ZFHX4: variants seen among roughly 807,000 people sequenced by gnomAD.
ZFHX4 encodes zinc finger homeobox protein 4.
In ZFHX4, 56 loss-of-function variants were observed where a neutral mutation model predicts 267.6. The observed-to-expected ratio is 0.21, with a 90% CI of 0.17 to 0.26. The LOEUF is 0.26. Ranked by LOEUF, ZFHX4 falls within the 10% of genes least tolerant of loss-of-function variation. ZFHX4 has a pLI of 1.00. For missense variants in ZFHX4, 4,332 were observed against 4,420.0 expected (o/e 0.98, Z 0.56); for synonymous variants, 1,778 against 1,665.6 (o/e 1.07, Z -1.64).
chr8:76,750,395 T>C (rs1809582944), intron 3 of ZFHX4, among the ~76,000 whole-genome samples: 1 of 152,188 alleles, frequency 6.6e-6, no homozygotes, highest in African/African-American at 2.4e-5. Flanking sequence ...TGCTAAACTG[T>C]GCTCATTTCA....
At chr8:76,711,342 A>G (rs1214151300) in intron 3 of ZFHX4, among the ~76,000 whole-genome samples, 1 of 152,206 alleles carries the variant, frequency 6.6e-6, no homozygotes, top group East Asian at 1.9e-4. Context: ...AAATTGCTCT[A>G]GGAAAATAAA....
rs866644618 is a variant in ZFHX4 at position 76,704,267 on chromosome 8, C to T, written c.179C>T (p.Ala60Val). Residue 60 changes from alanine to valine, a missense_variant, in exon 2 of 11, where the codon GCC becomes GTC. Physicochemically the swap from Ala to Val is moderately conservative, Grantham distance 64. Around this residue, in one of 7 missense-constraint regions of ZFHX4, gnomAD observed 1,195 missense variants for 1,173.6 expected, o/e 1.02. Coordinates refer to ENST00000651372, the MANE Select transcript of ZFHX4 (RefSeq NM_024721.5). Reference protein sequence around the residue: ...NLKTDERKSEALLGFSVENAA... With the variant: ...NLKTDERKSEVLLGFSVENAA... ...AAAACGGATGAGCGCAAAAGTGAAG[C>T]CTTGCTGGGTTTCAGCGTTGAGAAT... 3.7e-6 allele frequency: 6 copies of T among 1,613,988 alleles called. No individual in the cohort carries two copies. The highest frequency in any genetic ancestry group is 5.1e-6 in the Non-Finnish European group (6 of 1,179,888).
chr8:76,754,623 G>A (rs1046000640), intron 3 of ZFHX4, among the ~76,000 whole-genome samples: 5 of 151,922 alleles, frequency 3.3e-5, no homozygotes, highest in African/African-American at 9.7e-5. Flanking sequence ...TTTGATACAC[G>A]TATATGATGT....
At chr8:76,826,957 A>T (rs1210365686) in intron 4 of ZFHX4, among the ~76,000 whole-genome samples, 1 of 152,250 alleles carries the variant, frequency 6.6e-6, no homozygotes, top group Non-Finnish European at 1.5e-5. Context: ...TATTGGGTGG[A>T]AGAGGGATCA....
chr8:76,713,807 G>A (rs1206965624), intron 3 of ZFHX4, among the ~76,000 whole-genome samples: 2 of 152,038 alleles, frequency 1.3e-5, no homozygotes, highest in African/African-American at 4.8e-5. Context: ...TAATGTTTGT[G>A]TGGAGTGGAG....
At position 76,849,531 on chromosome 8, in the gene ZFHX4, G is replaced by A; in HGVS notation, c.3665G>A (p.Cys1222Tyr). Residue 1222 changes from cysteine (C) to tyrosine (Y), a missense_variant, in exon 8 of 11, where the codon TGT becomes TAT. Physicochemically the swap from Cys to Tyr is radical, Grantham distance 194. This residue lies in a region of ZFHX4 where 1,371 missense variants were observed against 1,423.1 expected (regional missense o/e 0.96). Coordinates refer to ENST00000651372, the MANE Select transcript of ZFHX4 (RefSeq NM_024721.5). ...CHEQFYQCPY[C>Y]NYNSRDQSRI... ...TTCCAGTTCTATCAATGTCCTTATT[G>A]TAACTACAATAGTAGGGACCAAAGT... is the stretch of plus-strand genomic sequence containing the variant. The A allele has an allele frequency of 6.2e-7, 1 of 1,613,676 alleles. No individual in the cohort carries two copies. The highest frequency in any genetic ancestry group is 1.7e-4 in the Middle Eastern group (1 of 6,054).
chr8:76,833,582 G>A lies in ZFHX4; in HGVS notation c.3394+176G>A, dbSNP rs554377837. On this transcript the variant is annotated intron_variant, in intron 5 of 10. Coordinates refer to ENST00000651372, the MANE Select transcript of ZFHX4 (RefSeq NM_024721.5). ...ATAAATTCAATAATTGGAAGTATAT[G>A]TAAATTGACTTTACATTTTAGAGCA... 9.0e-6 allele frequency: 5 copies of A among 554,684 alleles called. No individual in the cohort carries two copies. In the African/African-American group the frequency reaches 9.7e-5, roughly 11 times the overall value. The allele number at this position is 554,684 out of a possible 1,614,324, so 34.4% of individuals were successfully genotyped here. A position where few individuals can be genotyped will look rare whatever the true frequency, so the allele number is the denominator to read the frequency against.
intron 10 of ZFHX4, among the ~76,000 whole-genome samples, chr8:76,861,954 T>C (rs1419832197): frequency 6.6e-6 from 1 of 152,130 alleles, no homozygotes; most frequent in East Asian, 1.9e-4. Context: ...GTCCTTGTCA[T>C]GATCATTTGG....
chr8:76,799,863 C>T (rs1364644781), intron 4 of ZFHX4, among the ~76,000 whole-genome samples: 1 of 152,158 alleles, frequency 6.6e-6, no homozygotes. Flanking sequence ...TACATACTGG[C>T]TGTATACCTC....
Position 76,705,101 on chromosome 8 carries a change from C to CA in ZFHX4, c.1020dup (p.Ser341IlefsTer30), listed in dbSNP as rs774274741. 1.2e-6 allele frequency: 2 copies of CA among 1,613,146 alleles called. No individual in the cohort carries two copies. Among genetic ancestry groups the CA allele is most frequent in the Non-Finnish European group, 1.7e-6 (2 of 1,179,664 alleles). ...GAACCTCTTATAAGCTTTCTGGAAC[C>CA]AAAAAAATCCACTTCTGTTTATCCC... On this transcript the variant is annotated frameshift_variant, in exon 2 of 11. Transcript: ENST00000651372. LOFTEE classifies it high-confidence loss of function.
chr8:76,794,468 AG>A (rs1378098487), intron 4 of ZFHX4, among the ~76,000 whole-genome samples: 2 of 152,172 alleles, frequency 1.3e-5, no homozygotes, highest in African/African-American at 4.8e-5. Flanking sequence ...GTTTGACCAC[AG>A]ATTTCTTTTG....
At chr8:76,857,963 T>C (rs1263153282) in intron 10 of ZFHX4, among the ~76,000 whole-genome samples, 1 of 152,000 alleles carries the variant, frequency 6.6e-6, no homozygotes, top group Non-Finnish European at 1.5e-5. Context: ...TTAAGTAAAA[T>C]AGAAGAGTTT....
chr8:76,858,585 C>A (rs1297836296), intron 10 of ZFHX4, among the ~76,000 whole-genome samples: 1 of 152,196 alleles, frequency 6.6e-6, no homozygotes, highest in Non-Finnish European at 1.5e-5. Flanking sequence ...TGAGTTCCTG[C>A]ACTTTCAGTT....
intron 4 of ZFHX4, among the ~76,000 whole-genome samples, chr8:76,806,348 G>T (rs556894717): frequency 3.9e-5 from 6 of 152,192 alleles, no homozygotes; most frequent in African/African-American, 1.4e-4. Flanking sequence ...TGGACTATGG[G>T]TGTAGACTCA....
intron 3 of ZFHX4, among the ~76,000 whole-genome samples, chr8:76,749,464 T>C (rs1277321569): frequency 6.6e-6 from 1 of 152,166 alleles, no homozygotes; most frequent in East Asian, 1.9e-4. Flanking sequence ...TCATTTTTCT[T>C]GATGAGATGT....
chr8:76,829,453 G>A (rs549324621), intron 4 of ZFHX4, among the ~76,000 whole-genome samples: 3 of 152,156 alleles, frequency 2.0e-5, no homozygotes, highest in South Asian at 4.2e-4. Flanking sequence ...AGGCTTAGGG[G>A]TAGGTGTGGC....
chr8:76,715,091 T>G (rs1808529552), intron 3 of ZFHX4, among the ~76,000 whole-genome samples: 2 of 152,278 alleles, frequency 1.3e-5, no homozygotes, highest in South Asian at 4.1e-4. Flanking sequence ...GGTGGGAACT[T>G]GAGGGCAGGA....
At chr8:76,780,019 T>C (rs1194055894) in intron 4 of ZFHX4, among the ~76,000 whole-genome samples, 4 of 151,476 alleles carry the variant, frequency 2.6e-5, no homozygotes, top group Admixed American at 1.3e-4. Context: ...CAAAAAGATA[T>C]GTTCAAATGA....
At position 76,706,173 on chromosome 8, in the gene ZFHX4, C is replaced by G. The variant is rs751836465; in HGVS notation, c.2085C>G (p.Gly695=). 7.4e-6 allele frequency: 12 copies of G among 1,613,918 alleles called. No individual in the cohort carries two copies. The Admixed American group carries it at 1.0e-4, about 13-fold the overall frequency. The change falls in exon 2 of 11, where the codon GGC becomes GGG. Residue 695 remains glycine (G), a synonymous_variant. Coordinates refer to ENST00000651372, the MANE Select transcript of ZFHX4 (RefSeq NM_024721.5). ...CCCGGGGTGAGAGTTACACGTGTGG[C>G]TATAAACCCTTCCGTTGTGAGGTTT... ...RLARGESYTC[G]YKPFRCEVCN...
Sources: gnomAD v4.1 joint callset for allele counts (sites outside exome capture counted in the v4.1 genomes callset) on GRCh38, gnomAD v4.1.1 for gene constraint, gnomAD v4.1.1 regional missense constraint, MANE v1.5 for transcripts, NCBI Gene and HGNC (gene_info 2026-07-23, HGNC 2026-07-21) for gene names.